BEAN1: variants seen among roughly 807,000 people sequenced by gnomAD.
BEAN1 encodes brain expressed associated with NEDD4 1.
A neutral mutation model predicts 17.7 loss-of-function variants in BEAN1; 17 were observed. The ratio of observed to expected loss-of-function variants is 0.96; its 90% CI spans 0.66 to 1.44. The LOEUF (loss-of-function observed/expected upper bound fraction) is 1.44, where lower values mean the gene tolerates loss of function less well. BEAN1 is among the 40% of genes most tolerant of loss of function. The probability of loss-of-function intolerance (pLI) is 0.00; values close to 1 mark genes in which losing one functional copy is unlikely to be tolerated. For missense variants in BEAN1, 359 were observed against 374.1 expected, an observed-to-expected ratio of 0.96 and a Z score of 0.33; for synonymous variants, 142 against 151.8, an observed-to-expected ratio of 0.94 and a Z score of 0.47.
chr16:66,470,611 G>A (rs1035102444), intron 3 of BEAN1, among the ~76,000 whole-genome samples: 2 of 152,210 alleles, frequency 1.3e-5, no homozygotes, highest in Non-Finnish European at 2.9e-5. Context: ...TCCCTGGTGA[G>A]AGTCAGCAGA....
intron 3 of BEAN1, among the ~76,000 whole-genome samples, chr16:66,475,006 T>C (rs945257332): frequency 6.6e-6 from 1 of 152,188 alleles, no homozygotes; most frequent in Non-Finnish European, 1.5e-5. Context: ...TGCCAGTTCC[T>C]CTTCCTCCCT....
intron 3 of BEAN1, among the ~76,000 whole-genome samples, chr16:66,472,317 G>T (rs1296920882): frequency 6.6e-6 from 1 of 152,258 alleles, no homozygotes; most frequent in Non-Finnish European, 1.5e-5. Flanking sequence ...CTCGTCCCCA[G>T]ACAGGCTCAG....
At chr16:66,492,998 A>C in exon 5 of BEAN1, 1 of 702,950 alleles carries the variant, frequency 1.4e-6, no homozygotes, top group Non-Finnish European at 2.6e-6. Flanking sequence ...GGTGCGATCT[A>C]TGCTTTCCAG....
chr16:66,472,410 G>A (rs1963518615), intron 3 of BEAN1, among the ~76,000 whole-genome samples: 1 of 152,252 alleles, frequency 6.6e-6, no homozygotes, highest in Admixed American at 6.5e-5. Context: ...CCCCTTTAAA[G>A]ACTAGGAAAC....
intron 2 of BEAN1, 154 bp downstream of exon 2, chr16:66,437,855 AC>A: frequency 3.0e-6 from 3 of 989,158 alleles, no homozygotes; most frequent in Non-Finnish European, 4.6e-6. Flanking sequence ...AGAGGGCAAC[AC>A]GGAAGACCCC....
chr16:66,493,603 A>G (rs1312059592), downstream of BEAN1: 1 of 540,354 alleles, frequency 1.9e-6, no homozygotes, highest in Non-Finnish European at 3.3e-6. Flanking sequence ...CTGGCCCTTC[A>G]TCGGGTGAGG....
At chr16:66,476,139 AAAG>A (rs1349483880) in intron 3 of BEAN1, 1 of 152,224 alleles carries the variant, frequency 6.6e-6, no homozygotes, top group African/African-American at 2.4e-5. Context: ...GAAAAGAAAA[AAAG>A]AAAAAGAAAT....
chr16:66,492,102 C>A (rs988634357), intron 4 of BEAN1, among the ~76,000 whole-genome samples: 1 of 151,458 alleles, frequency 6.6e-6, no homozygotes, highest in African/African-American at 2.4e-5. Context: ...AGTACAGTGG[C>A]GCGATCTTGG....
At chr16:66,490,615 C>T (rs910705292) in intron 4 of BEAN1, among the ~76,000 whole-genome samples, 3 of 152,050 alleles carry the variant, frequency 2.0e-5, no homozygotes, top group Non-Finnish European at 2.9e-5. Flanking sequence ...GGGTCGCCAC[C>T]TTCCTGGCGC....
chr16:66,466,727 G>A (rs866324663), intron 2 of BEAN1, among the ~76,000 whole-genome samples: 12 of 152,060 alleles, frequency 7.9e-5, no homozygotes, highest in Non-Finnish European at 1.5e-4. Flanking sequence ...CACCACGCCC[G>A]GGTAAATTTT....
intron 1 of BEAN1, among the ~76,000 whole-genome samples, chr16:66,432,570 C>T (rs553978119): frequency 3.3e-4 from 51 of 152,362 alleles, no homozygotes; most frequent in African/African-American, 1.2e-3. Context: ...ACTCAGCAGT[C>T]ACGGGGCACT....
intron 2 of BEAN1, among the ~76,000 whole-genome samples, chr16:66,439,478 ATGC>A (rs1311263420): frequency 6.6e-6 from 1 of 152,248 alleles, no homozygotes; most frequent in South Asian, 2.1e-4. Flanking sequence ...AAGGCTGGGG[ATGC>A]TGAGTGCGGA....
chr16:66,482,617 G>A lies in BEAN1; in HGVS notation c.*1692G>A, dbSNP rs1477459759. 8.3e-6 allele frequency: 3 copies of A among 359,512 alleles called. No individual in the cohort carries two copies. Among genetic ancestry groups the A allele is most frequent in the Non-Finnish European group, 1.6e-5 (3 of 185,450 alleles). 22.3% of individuals were successfully genotyped at this position (359,512 alleles called of 1,614,324 possible). A position where few individuals can be genotyped will look rare whatever the true frequency, so the allele number is the denominator to read the frequency against. ...CCTTTAAAATGCAGTCCAGGAATGA[G>A]ACTCTTTTAAGAAACACATCCTGCT... On this transcript the variant is annotated 3_prime_UTR_variant, in exon 5 of 5. Coordinates refer to ENST00000536005, the MANE Select transcript of BEAN1 (RefSeq NM_001178020.3).
chr16:66,451,645 G>A (rs1193179941), intron 2 of BEAN1, among the ~76,000 whole-genome samples: 1 of 152,184 alleles, frequency 6.6e-6, no homozygotes, highest in Non-Finnish European at 1.5e-5. Flanking sequence ...TTATGAGCCA[G>A]GCATCCTGCT....
rs558946241 is a variant in BEAN1 at position 66,434,126 on chromosome 16, G to A, written c.-82-3469G>A. The stretch of plus-strand genomic sequence containing the variant: ...TAGGAGATGAGTCACTGGCAGGAGC[G>A]AGCCTCGCATGCTGGGCTCAAAGAG... On this transcript the variant is annotated intron_variant, in intron 1 of 4. Coordinates refer to ENST00000536005, the MANE Select transcript of BEAN1 (RefSeq NM_001178020.3). The surrounding 1 kb of genome is among the most constrained non-coding windows in gnomAD (Gnocchi z 4.3). Among the ~76,000 whole-genome samples the A allele has an allele frequency of 2.6e-5, 4 of 152,326 alleles. No individual in the cohort carries two copies. The highest frequency in any genetic ancestry group is 1.9e-4 in the East Asian group (1 of 5,180).
Position 66,458,699 on chromosome 16 carries a change from A to G in BEAN1, c.26-10903A>G, listed in dbSNP as rs181092383. On this transcript the variant is annotated intron_variant, in intron 2 of 4. Transcript: ENST00000536005. ...CAAAACCAGGTGGGCAATCTTGAAC[A>G]CATAACTTTAGCTCACCAAGACAAA... Among the ~76,000 whole-genome samples the G allele has an allele frequency of 1.3e-3, 192 of 152,336 alleles. 2 individuals carry two copies. Among genetic ancestry groups the G allele is most frequent in the Non-Finnish European group, 1.9e-4 (13 of 68,026 alleles).
intron 2 of BEAN1, among the ~76,000 whole-genome samples, chr16:66,455,492 T>C (rs1324723286): frequency 6.6e-6 from 1 of 152,146 alleles, no homozygotes; most frequent in African/African-American, 2.4e-5. Context: ...CTGAGCTTCC[T>C]GGAGGCCAAA....
chr16:66,463,571 CTTCTCCGA>C, intron 2 of BEAN1, among the ~76,000 whole-genome samples: 1 of 152,328 alleles, frequency 6.6e-6, no homozygotes, highest in Non-Finnish European at 1.5e-5. Context: ...ACACAAATAT[CTTCTCCGA>C]TTCTACCGAC....
chr16:66,447,804 A>G (rs776849573), intron 2 of BEAN1, among the ~76,000 whole-genome samples: 27 of 152,348 alleles, frequency 1.8e-4, no homozygotes, highest in Non-Finnish European at 3.1e-4. Context: ...ACTGTCTCAC[A>G]CTACAGATGT....
Sources: gnomAD v4.1 joint callset for allele counts (sites outside exome capture counted in the v4.1 genomes callset) on GRCh38, gnomAD v4.1.1 for gene constraint, Gnocchi (gnomAD v3.1) non-coding constraint, MANE v1.5 for transcripts, NCBI Gene and HGNC (gene_info 2026-07-23, HGNC 2026-07-21) for gene names.